PIM3: variants seen among roughly 807,000 people sequenced by gnomAD.
The protein encoded by PIM3 is Pim-3 proto-oncogene, serine/threonine kinase, also known as serine/threonine-protein kinase pim-3.
PIM3 carries 13 observed loss-of-function variants against 27.5 expected under a neutral mutation model. The observed-to-expected ratio is 0.47, with a 90% CI of 0.31 to 0.75. The LOEUF is 0.75. PIM3 is among the 30% of genes least tolerant of loss of function. PIM3 has a pLI of 0.05. For missense variants in PIM3, 482 were observed against 476.9 expected, an observed-to-expected ratio of 1.01 and a Z score of -0.10; for synonymous variants, 341 against 221.1, an observed-to-expected ratio of 1.54 and a Z score of -4.81.
chr22:49,962,046 T>TG (rs1416844203), intron 4 of PIM3, among the ~76,000 whole-genome samples: 1 of 151,620 alleles, frequency 6.6e-6, no homozygotes, highest in Non-Finnish European at 1.5e-5. Context: ...TCCATCGCGT[T>TG]GGGGGGTACG....
chr22:49,961,570 G>A lies in PIM3; in HGVS notation c.375G>A (p.Arg125=). The change falls in exon 4 of 6, where the codon CGG becomes CGA. Residue 125 remains arginine, a synonymous_variant. Coordinates refer to ENST00000360612, the MANE Select transcript of PIM3 (RefSeq NM_001001852.4). ...ACGGCTTCCTGCTGGTGCTGGAGCGGCCCGAGCCGGCGCAGGACCTCTTCG... is the reference window on the plus strand; with the variant it reads ...ACGGCTTCCTGCTGGTGCTGGAGCGACCCGAGCCGGCGCAGGACCTCTTCG... The part of the protein sequence containing the change: ...RPDGFLLVLE[R]PEPAQDLFDF... The A allele has an allele frequency of 6.5e-7, 1 of 1,546,534 alleles. No individual in the cohort carries two copies. The highest frequency in any genetic ancestry group is 8.7e-7 in the Non-Finnish European group (1 of 1,146,500).
chr22:49,962,918 C>T (rs2060916607), intron 5 of PIM3, 22 bp from the exon 6 acceptor site: 1 of 1,599,060 alleles, frequency 6.3e-7, no homozygotes, highest in Non-Finnish European at 8.5e-7. Flanking sequence ...TGGGCCCTCC[C>T]TGACCTCTCC....
rs2060915390 is a variant in PIM3 at position 49,962,743 on chromosome 22, G to T, written c.671G>T (p.Arg224Leu). 6.2e-7 allele frequency: 1 copy of T among 1,612,716 alleles called. No homozygotes were observed. The highest frequency in any genetic ancestry group is 1.1e-5 in the South Asian group (1 of 91,082). Reference protein sequence around the residue: ...EWIRYHRYHGRSATVWSLGVL... With the variant: ...EWIRYHRYHGLSATVWSLGVL... ...ATCCGCTACCACCGCTACCACGGGCGCTCGGCCACCGTGTGGTCGCTGGGC... is the reference window on the plus strand; with the variant it reads ...ATCCGCTACCACCGCTACCACGGGCTCTCGGCCACCGTGTGGTCGCTGGGC... Residue 224 changes from arginine to leucine, a missense_variant, in exon 5 of 6, where the codon CGC becomes CTC. By Grantham distance (102) the Arg-to-Leu change is moderately radical. Coordinates refer to ENST00000360612, the MANE Select transcript of PIM3 (RefSeq NM_001001852.4).
At position 49,963,356 on chromosome 22, in the gene PIM3, G is replaced by A; in HGVS notation, c.*229G>A. ...TCCGGTCGAGGTCCCGCCTGCCCTG[G>A]GTGGATACTTGAACCCCAGACGCCC... On this transcript the variant is annotated 3_prime_UTR_variant, in exon 6 of 6. Coordinates refer to ENST00000360612, the MANE Select transcript of PIM3 (RefSeq NM_001001852.4). The A allele has an allele frequency of 1.9e-6, 1 of 517,788 alleles. No individual in the cohort carries two copies. Among genetic ancestry groups the A allele is most frequent in the South Asian group, 2.6e-5 (1 of 38,384 alleles). 32.1% of individuals were successfully genotyped at this position (517,788 alleles called of 1,614,324 possible). A position where few individuals can be genotyped will look rare whatever the true frequency, so the allele number is the denominator to read the frequency against.
Position 49,963,108 on chromosome 22 carries a change from C to A in PIM3, c.962C>A (p.Ser321Tyr). ...LDPDDVASTT[S>Y]SSESL ...CCTGATGACGTGGCCAGCACCACGTCCAGCAGCGAGAGCTTGTGAGGAGCT... is the reference window on the plus strand; with the variant it reads ...CCTGATGACGTGGCCAGCACCACGTACAGCAGCGAGAGCTTGTGAGGAGCT... Residue 321 changes from serine to tyrosine, a missense_variant, in exon 6 of 6, where the codon TCC becomes TAC. Coordinates refer to ENST00000360612, the MANE Select transcript of PIM3 (RefSeq NM_001001852.4). 2 of 1,606,680 alleles carry A rather than the reference C, an allele frequency of 1.2e-6. No homozygotes were observed. The highest frequency in any genetic ancestry group is 1.7e-6 in the Non-Finnish European group (2 of 1,176,938).
In PIM3 at chr22:49,962,492, G is replaced by A. The variant is rs548936766; in HGVS notation, c.617-197G>A. Among the ~76,000 whole-genome samples the A allele has an allele frequency of 1.7e-3, 254 of 151,580 alleles. 3 individuals carry two copies. Among genetic ancestry groups the A allele is most frequent in the African/African-American group, 5.8e-3 (239 of 41,182 alleles). ...TGTGACCTGCTCCTCCCCCGCGGCC[G>A]GCGGAGGGGGACGGCCGGCCCCTCC... On this transcript the variant is annotated intron_variant, in intron 4 of 5. Transcript: ENST00000360612.
At position 49,962,309 on chromosome 22, in the gene PIM3, C is replaced by T. The variant is rs997777794; in HGVS notation, c.617-380C>T. 1.2e-4 allele frequency among the ~76,000 whole-genome samples: 18 copies of T among 151,234 alleles called. 1 individual carries two copies. Among genetic ancestry groups the T allele is most frequent in the Admixed American group, 1.0e-3 (16 of 15,252 alleles). On this transcript the variant is annotated intron_variant, in intron 4 of 5. Transcript: ENST00000360612. ...CCCGCATTGCGGAGCTTGGGGAAGCCGGGGCTCCCCGCCCGCCCCTCCCTC... is the reference window on the plus strand; with the variant it reads ...CCCGCATTGCGGAGCTTGGGGAAGCTGGGGCTCCCCGCCCGCCCCTCCCTC...
At chr22:49,961,859 G>T (rs754085552) in intron 4 of PIM3, 48 bp downstream of exon 4, 2 of 1,600,810 alleles carry the variant, frequency 1.2e-6, no homozygotes, top group Non-Finnish European at 8.5e-7. Context: ...CTTGCCGGCG[G>T]GTTAACGCCT....
In PIM3 at chr22:49,961,543, C is replaced by A. The variant is rs745960663; in HGVS notation, c.348C>A (p.Pro116=). ...GCCTGCTGGACTGGTTCGAGCGGCC[C>A]GACGGCTTCCTGCTGGTGCTGGAGC... The part of the protein sequence containing the change: ...VIRLLDWFER[P]DGFLLVLERP... The change falls in exon 4 of 6, where the codon CCC becomes CCA. Residue 116 remains proline, a synonymous_variant. Transcript: ENST00000360612. 3 of 1,544,466 alleles carry A rather than the reference C, an allele frequency of 1.9e-6. No homozygotes were observed. Among genetic ancestry groups the A allele is most frequent in the South Asian group, 1.2e-5 (1 of 83,802 alleles).
At chr22:49,961,847 G>A (rs766697216) in intron 4 of PIM3, 36 bp downstream of exon 4, 4 of 1,605,436 alleles carry the variant, frequency 2.5e-6, no homozygotes, top group Admixed American at 1.7e-5. Flanking sequence ...CGTTCCGGGG[G>A]CCTTGCCGGC....
At position 49,962,840 on chromosome 22, in the gene PIM3, G is replaced by A. The variant is rs147698351; in HGVS notation, c.768G>A (p.Leu256=). The part of the protein sequence containing the change: ...EQDEEILRGR[L]LFRRRVSPEC... ...ACGAGGAGATCCTCCGAGGCCGCCT[G>A]CTCTTCCGGAGGAGGGTCTCTCCAG... Residue 256 remains leucine (L), a synonymous_variant, in exon 5 of 6, where the codon CTG becomes CTA. Coordinates refer to ENST00000360612, the MANE Select transcript of PIM3 (RefSeq NM_001001852.4). 1 of 1,610,656 alleles carries A rather than the reference G, an allele frequency of 6.2e-7. No individual in the cohort carries two copies. The highest frequency in any genetic ancestry group is 8.5e-7 in the Non-Finnish European group (1 of 1,179,726).
At chr22:49,962,598 C>G (rs949127191) in intron 4 of PIM3, 91 bp from the exon 5 acceptor site, 13 of 1,387,784 alleles carry the variant, frequency 9.4e-6, no homozygotes, top group Admixed American at 2.3e-5. Context: ...CTTCCTGTTA[C>G]TGAGGCCAGG....
rs775849729 is a variant in PIM3 at position 49,961,162 on chromosome 22, G to C, written c.123G>C (p.Gln41His). 2 of 1,531,772 alleles carry C rather than the reference G, an allele frequency of 1.3e-6. No individual in the cohort carries two copies. The highest frequency in any genetic ancestry group is 1.7e-6 in the Non-Finnish European group (2 of 1,143,004). 94.9% of individuals were successfully genotyped at this position (1,531,772 alleles called of 1,614,324 possible). The change falls in exon 2 of 6, where the codon CAG (glutamine) becomes CAC (histidine). Residue 41 changes from glutamine (Q) to histidine (H), a missense_variant. Coordinates refer to ENST00000360612, the MANE Select transcript of PIM3 (RefSeq NM_001001852.4). ...ADKESFEKAY[Q>H]VGAVLGSGGF... ...AGGAGAGCTTCGAGAAGGCGTACCA[G>C]GTGGGCGCCGTGCTGGGTAGCGGCG...
At position 49,960,798 on chromosome 22, in the gene PIM3, T is replaced by A; in HGVS notation, c.-150T>A. 3.1e-6 allele frequency: 1 copy of A among 327,480 alleles called. No homozygotes were observed. Among genetic ancestry groups the A allele is most frequent in the Non-Finnish European group, 4.5e-6 (1 of 221,950 alleles). The allele number at this position is 327,480 out of a possible 1,614,324, so 20.3% of individuals were successfully genotyped here. A position where few individuals can be genotyped will look rare whatever the true frequency, so the allele number is the denominator to read the frequency against. On this transcript the variant is annotated 5_prime_UTR_variant, in exon 1 of 6. Transcript: ENST00000360612. ...GGTGAGGCGCTCCGCCTGCTGCGCG[T>A]CTACGCGGTCCCCGCGGGCCTTCCG...
Position 49,960,807 on chromosome 22 carries a change from T to G in PIM3, c.-141T>G, listed in dbSNP as rs2060901659. The G allele has an allele frequency of 7.7e-6, 3 of 387,256 alleles. No individual in the cohort carries two copies. The highest frequency in any genetic ancestry group is 5.9e-5 in the Admixed American group (1 of 16,846). The allele number at this position is 387,256 out of a possible 1,614,324, so 24.0% of individuals were successfully genotyped here. On this transcript the variant is annotated 5_prime_UTR_variant, in exon 1 of 6. Transcript: ENST00000360612. ...CTCCGCCTGCTGCGCGTCTACGCGG[T>G]CCCCGCGGGCCTTCCGGGCCCACTG...
In PIM3 at chr22:49,961,551, T is replaced by A. The variant is rs1483853080; in HGVS notation, c.356T>A (p.Phe119Tyr). ...LLDWFERPDG[F>Y]LLVLERPEPA... ...GACTGGTTCGAGCGGCCCGACGGCT[T>A]CCTGCTGGTGCTGGAGCGGCCCGAG... The change falls in exon 4 of 6, where the codon TTC becomes TAC. Residue 119 changes from phenylalanine to tyrosine, a missense_variant. Coordinates refer to ENST00000360612, the MANE Select transcript of PIM3 (RefSeq NM_001001852.4). 2 of 1,545,204 alleles carry A rather than the reference T, an allele frequency of 1.3e-6. No homozygotes were observed. Among genetic ancestry groups the A allele is most frequent in the South Asian group, 2.4e-5 (2 of 83,858 alleles).
chr22:49,961,117 C>T lies in PIM3; in HGVS notation c.86-8C>T, dbSNP rs1281381849. The T allele has an allele frequency of 2.0e-6, 3 of 1,479,078 alleles. No individual in the cohort carries two copies. Among genetic ancestry groups the T allele is most frequent in the African/African-American group, 1.5e-5 (1 of 68,094 alleles). 91.6% of individuals were successfully genotyped at this position (1,479,078 alleles called of 1,614,324 possible). On this transcript the variant is annotated splice_polypyrimidine_tract_variant and splice_region_variant and intron_variant, in intron 1 of 5. Transcript: ENST00000360612. The stretch of plus-strand genomic sequence containing the variant: ...GGCCGCACCAACCCCGCCCGCGCCT[C>T]CCTGCAGCCAAGGCGGACAAGGAGA...
Position 49,961,920 on chromosome 22 carries a change from T to C in PIM3, c.616+109T>C. ...ATGACTGTTGGGCGGCCGCGCGCCCTGGGTCTGCTCTCGTGGGGAGCAGAG... is the reference window on the plus strand; with the variant it reads ...ATGACTGTTGGGCGGCCGCGCGCCCCGGGTCTGCTCTCGTGGGGAGCAGAG... On this transcript the variant is annotated intron_variant, in intron 4 of 5. Transcript: ENST00000360612. 8 of 1,481,522 alleles carry C rather than the reference T, an allele frequency of 5.4e-6. No homozygotes were observed. In the South Asian group the frequency reaches 9.9e-5, roughly 18 times the overall value. 91.8% of individuals were successfully genotyped at this position (1,481,522 alleles called of 1,614,324 possible).
At chr22:49,962,333 T>TCCTCCCTCCCTCTCTCC (rs2060912249) in intron 4 of PIM3, among the ~76,000 whole-genome samples, 1 of 28,094 alleles carries the variant, frequency 3.6e-5, no homozygotes, top group Non-Finnish European at 7.9e-5. Context: ...CGCCCCTCCC[T>TCCTCCCTCCCTCTCTCC]CCTCCCTCCC....
Sources: allele counts gnomAD v4.1 joint callset (sites outside exome capture counted in the v4.1 genomes callset), GRCh38; gene constraint gnomAD v4.1.1; transcripts MANE v1.5; gene names NCBI Gene and HGNC (gene_info 2026-07-23, HGNC 2026-07-21).